Variants in TNFSF10 observed in about 807,000 individuals in gnomAD.
TNFSF10 encodes tumor necrosis factor ligand superfamily member 10.
In TNFSF10, 13 loss-of-function variants were observed where a neutral mutation model predicts 29.5. The observed-to-expected ratio is 0.44, with a 90% confidence interval of 0.29 to 0.70. The LOEUF is 0.70. TNFSF10 is among the 30% of genes least tolerant of loss of function. The probability of loss-of-function intolerance (pLI) is 0.13; values close to 1 mark genes in which losing one functional copy is unlikely to be tolerated. For synonymous variants in TNFSF10, 111 were observed against 112.8 expected (o/e 0.98, Z 0.10); for missense variants, 345 against 330.9 (o/e 1.04, Z -0.33).
At chr3:172,506,980 C>A (rs3136610) in intron 4 of TNFSF10, 61 bp from the exon 5 acceptor site, 75 of 154,128 alleles carry the variant, frequency 4.9e-4, no homozygotes, top group Non-Finnish European at 5.9e-4. Flanking sequence ...AAGCAAGGAG[C>A]TTTTTTGCAG....
rs778930119 is a variant in TNFSF10 at position 172,506,688 on chromosome 3, G to A, written c.650C>T (p.Pro217Leu). Residue 217 changes from proline (P) to leucine (L), a missense_variant, in exon 5 of 5, where the codon CCT becomes CTT. Pro to Leu is a moderately conservative substitution (Grantham distance 98, BLOSUM62 -3). Coordinates refer to ENST00000241261, the MANE Select transcript of TNFSF10 (RefSeq NM_003810.4). ...VQYIYKYTSY[P>L]DPILLMKSAR... ...ACTTTTCATCAACAATATAGGGTCA[G>A]GATAACTTGTGTATTTGTAAATATA... The A allele has an allele frequency of 1.2e-6, 2 of 1,614,178 alleles. No homozygotes were observed. Among genetic ancestry groups the A allele is most frequent in the South Asian group, 1.1e-5 (1 of 91,084 alleles).
At chr3:172,514,138 T>C (rs1713339546) in intron 2 of TNFSF10, among the ~76,000 whole-genome samples, 1 of 152,110 alleles carries the variant, frequency 6.6e-6, no homozygotes, top group African/African-American at 2.4e-5. Flanking sequence ...TACACCCGGC[T>C]GCAAATATTA....
rs1425293618 is a variant in TNFSF10 at position 172,508,753 on chromosome 3, G to T, written c.418+464C>A. 2.0e-5 allele frequency among the ~76,000 whole-genome samples: 3 copies of T among 152,134 alleles called. No homozygotes were observed. In the East Asian group the frequency reaches 5.8e-4, roughly 29 times the overall value. ...AAAAATACAAAATTAGCCAGGCGTG[G>T]AGCTGCGTGCCTGTAATCCCAGCTA... On this transcript the variant is annotated intron_variant, in intron 4 of 4. Coordinates refer to ENST00000241261, the MANE Select transcript of TNFSF10 (RefSeq NM_003810.4).
intron 1 of TNFSF10, 80 bp downstream of exon 1, chr3:172,523,173 G>T (rs749009392): frequency 3.0e-5 from 44 of 1,472,858 alleles, no homozygotes; most frequent in Non-Finnish European, 3.8e-5. Context: ...TTCAGAGAGG[G>T]GCAAGCTGAC....
chr3:172,508,169 C>G (rs1409182952), intron 4 of TNFSF10, among the ~76,000 whole-genome samples: 1 of 151,984 alleles, frequency 6.6e-6, no homozygotes, highest in Non-Finnish European at 1.5e-5. Flanking sequence ...GTGGTGCATG[C>G]TTGTAATCCC....
chr3:172,510,293 A>G (rs1713169933), intron 3 of TNFSF10, among the ~76,000 whole-genome samples: 1 of 152,144 alleles, frequency 6.6e-6, no homozygotes, highest in South Asian at 2.1e-4. Context: ...TTGTCTCTAT[A>G]AAAAATAGAA....
rs1338622326 is a variant in TNFSF10 at position 172,523,339 on chromosome 3, A to G, written c.46T>C (p.Cys16Arg). 1 of 1,614,080 alleles carries G rather than the reference A, an allele frequency of 6.2e-7. No individual in the cohort carries two copies. The highest frequency in any genetic ancestry group is 2.2e-5 in the East Asian group (1 of 44,888). The part of the protein sequence containing the change: ...VQGGPSLGQT[C>R]VLIVIFTVLL... ...ACTGTGAAGATCACGATCAGCACGC[A>G]GGTCTGTCCCAGGCTGGGTCCCCCC... Residue 16 changes from cysteine to arginine, a missense_variant, in exon 1 of 5, where the codon TGC becomes CGC. Physicochemically the swap from Cys to Arg is radical, Grantham distance 180. Transcript: ENST00000241261.
At chr3:172,507,229 G>A (rs1713027557) in intron 4 of TNFSF10, 3 of 301,616 alleles carry the variant, frequency 9.9e-6, no homozygotes, top group South Asian at 7.0e-5. Context: ...CACTCAGATA[G>A]CAATGGTTTC....
Position 172,514,883 on chromosome 3 carries a change from T to C in TNFSF10, c.248A>G (p.Gln83Arg), listed in dbSNP as rs1713366767. ...TACCTTTCTAACGAGCTGACGGAGT[T>C]GCCACTTGACTTGCCAGCAGGGGCT... ...MNSPCWQVKW[Q>R]LRQLVRKMIL... Residue 83 changes from glutamine (Q) to arginine (R), a missense_variant, in exon 2 of 5, where the codon CAA (glutamine) becomes CGA (arginine). Transcript: ENST00000241261. The C allele has an allele frequency of 1.2e-6, 2 of 1,614,098 alleles. No homozygotes were observed. The highest frequency in any genetic ancestry group is 1.1e-5 in the South Asian group (1 of 91,094).
Position 172,523,407 on chromosome 3 carries a change from T to C in TNFSF10, c.-23A>G, listed in dbSNP as rs368023007. On this transcript the variant is annotated 5_prime_UTR_variant, in exon 1 of 5. Transcript: ENST00000241261. ...CATGATCCTGTCAGAGTCTGACTGC[T>C]GTAAGTCAGCCAGGCAGCCGGTCAC... is the stretch of plus-strand genomic sequence containing the variant. The C allele has an allele frequency of 1.3e-5, 20 of 1,598,732 alleles. No homozygotes were observed. In the African/African-American group the frequency reaches 1.9e-4, roughly 15 times the overall value.
chr3:172,521,437 C>G (rs539350988), intron 1 of TNFSF10, among the ~76,000 whole-genome samples: 3 of 151,976 alleles, frequency 2.0e-5, no homozygotes, highest in Admixed American at 6.6e-5. Context: ...ATGTGGCCAA[C>G]AAACATGAAA....
intron 1 of TNFSF10, among the ~76,000 whole-genome samples, chr3:172,519,028 T>G (rs1432891577): frequency 6.6e-6 from 1 of 152,248 alleles, no homozygotes; most frequent in East Asian, 1.9e-4. Context: ...TTTTGTAATC[T>G]TGAACAAATC....
intron 2 of TNFSF10, among the ~76,000 whole-genome samples, chr3:172,512,392 T>C (rs1713262318): frequency 6.6e-6 from 1 of 152,214 alleles, no homozygotes; most frequent in African/African-American, 2.4e-5. Context: ...GGCTCATCCA[T>C]GGCTTCTGAA....
chr3:172,520,095 C>T (rs179777), intron 1 of TNFSF10, among the ~76,000 whole-genome samples: 135,497 of 152,306 alleles, frequency 0.89, 60,412 homozygotes, highest in East Asian at 1. Context: ...ACGTTCCTTG[C>T]AGCTCATAAT....
In TNFSF10 at chr3:172,514,920, C is replaced by G. The variant is rs749529222; in HGVS notation, c.211G>C (p.Glu71Gln). The G allele has an allele frequency of 3.1e-6, 5 of 1,614,194 alleles. No homozygotes were observed. The East Asian group carries it at 1.1e-4, about 36-fold the overall frequency. Residue 71 changes from glutamate (E) to glutamine (Q), a missense_variant, in exon 2 of 5, where the codon GAG becomes CAG. Coordinates refer to ENST00000241261, the MANE Select transcript of TNFSF10 (RefSeq NM_003810.4). ...DDSYWDPNDEESMNSPCWQVK... is the reference protein window; with the variant it reads ...DDSYWDPNDEQSMNSPCWQVK... ...TGCCAGCAGGGGCTGTTCATACTCT[C>G]TTCGTCATTGGGGTCCCAATAACTG...
Position 172,523,363 on chromosome 3 carries a change from C to T in TNFSF10, c.22G>A (p.Gly8Arg), listed in dbSNP as rs1316857196. The change falls in exon 1 of 5, where the codon GGG becomes AGG. Residue 8 changes from glycine to arginine, a missense_variant. Gly to Arg is a moderately radical substitution (Grantham distance 125). Transcript: ENST00000241261. MAMMEVQ[G>R]GPSLGQTCVL... ...CAGGTCTGTCCCAGGCTGGGTCCCC[C>T]CTGGACCTCCATCATAGCCATGATC... 1.9e-6 allele frequency: 3 copies of T among 1,613,928 alleles called. No homozygotes were observed. The highest frequency in any genetic ancestry group is 1.7e-6 in the Non-Finnish European group (2 of 1,179,824).
At chr3:172,518,988 G>T (rs1369635986) in intron 1 of TNFSF10, among the ~76,000 whole-genome samples, 1 of 151,940 alleles carries the variant, frequency 6.6e-6, no homozygotes, top group Non-Finnish European at 1.5e-5. Flanking sequence ...TTCATGCCTG[G>T]GTTCAAAATC....
Position 172,506,436 on chromosome 3 carries a change from T to A in TNFSF10, c.*56A>T. On this transcript the variant is annotated 3_prime_UTR_variant, in exon 5 of 5. Transcript: ENST00000241261. Reference sequence around the variant, plus strand: ...TTTTTTGAAACATCTTCATAGTGTATCATCCTGAAAACTGAATAGTCACTT... The same window carrying A: ...TTTTTTGAAACATCTTCATAGTGTAACATCCTGAAAACTGAATAGTCACTT... 1 of 1,519,932 alleles carries A rather than the reference T, an allele frequency of 6.6e-7. No homozygotes were observed. The highest frequency in any genetic ancestry group is 8.8e-7 in the Non-Finnish European group (1 of 1,134,106). 94.2% of individuals were successfully genotyped at this position (1,519,932 alleles called of 1,614,324 possible).
At position 172,514,924 on chromosome 3, in the gene TNFSF10, G is replaced by A. The variant is rs760580153; in HGVS notation, c.207C>T (p.Asp69=). 117 of 1,613,972 alleles carry A rather than the reference G, an allele frequency of 7.2e-5. 2 individuals carry two copies. In the South Asian group the frequency reaches 1.1e-3, roughly 16 times the overall value. The part of the protein sequence containing the change: ...KEDDSYWDPN[D]EESMNSPCWQ... ...AGCAGGGGCTGTTCATACTCTCTTC[G>A]TCATTGGGGTCCCAATAACTGTCAT... Residue 69 remains aspartate, a synonymous_variant, in exon 2 of 5, where the codon GAC becomes GAT. Transcript: ENST00000241261.
Sources: allele counts gnomAD v4.1 joint callset (sites outside exome capture counted in the v4.1 genomes callset), GRCh38; gene constraint gnomAD v4.1.1; transcripts MANE v1.5; gene names NCBI Gene and HGNC (gene_info 2026-07-23, HGNC 2026-07-21).